MTUS1: variants seen among roughly 807,000 people sequenced by gnomAD.
MTUS1 encodes microtubule-associated tumor suppressor 1.
MTUS1 carries 109 observed loss-of-function variants against 120.8 expected under a neutral mutation model. That is an observed-to-expected ratio of 0.90 (90% CI 0.77 to 1.06). The LOEUF (loss-of-function observed/expected upper bound fraction) is 1.06. Among genes scored for constraint, MTUS1 ranks in the 50% least tolerant of loss-of-function variants. The probability of loss-of-function intolerance (pLI) is 0.00; values close to 1 mark genes in which losing one functional copy is unlikely to be tolerated. For synonymous variants in MTUS1, 737 were observed against 550.5 expected, an observed-to-expected ratio of 1.34 and a Z score of -4.74; for missense variants, 2,210 against 1,486.3, an observed-to-expected ratio of 1.49 and a Z score of -8.01.
intron 9 of MTUS1, among the ~76,000 whole-genome samples, chr8:17,655,276 C>T (rs1234610129): frequency 1.6e-5 from 2 of 125,980 alleles, no homozygotes; most frequent in African/African-American, 5.6e-5. Flanking sequence ...GATATTTAAA[C>T]AGATGCCACT....
intron 3 of MTUS1, chr8:17,734,095 T>G (rs141253034): frequency 4.7e-4 from 72 of 152,328 alleles, no homozygotes; most frequent in African/African-American, 8.9e-4. Context: ...AGAACAAATG[T>G]GATGAAACAA....
At chr8:17,756,598 T>C (rs1294620877) in intron 1 of MTUS1, among the ~76,000 whole-genome samples, 1 of 151,996 alleles carries the variant, frequency 6.6e-6, no homozygotes, top group Non-Finnish European at 1.5e-5. Flanking sequence ...TGGAAGTCCC[T>C]TGAAATGTGA....
At chr8:17,717,445 C>T (rs2131056475) in intron 4 of MTUS1, among the ~76,000 whole-genome samples, 1 of 152,288 alleles carries the variant, frequency 6.6e-6, no homozygotes, top group South Asian at 2.1e-4. Flanking sequence ...TCAAATCCAA[C>T]AAAGAAAATT....
chr8:17,790,400 T>C (rs939800584), intron 1 of MTUS1, among the ~76,000 whole-genome samples: 5 of 151,700 alleles, frequency 3.3e-5, no homozygotes, highest in Middle Eastern at 3.4e-3. Context: ...ATCCAGCATA[T>C]AAGACCACAG....
At chr8:17,753,183 T>C (rs1047905547) in intron 2 of MTUS1, among the ~76,000 whole-genome samples, 11 of 152,096 alleles carry the variant, frequency 7.2e-5, no homozygotes, top group African/African-American at 2.7e-4. Context: ...TCTCGAAAAA[T>C]TACTTGCCAA....
In MTUS1 at chr8:17,753,717, C is replaced by G; in HGVS notation, c.2091G>C (p.Leu697Phe). ...CAAAAAATATATATATATTACTTAC[C>G]AAAAACAGAGAACCATATTCAAAAG... ...NETFEYGSLF[L>F]GSASKTTTTS... Residue 697 changes from leucine (L) to phenylalanine (F), a missense_variant and splice_region_variant, in exon 2 of 15, where the codon TTG (leucine) becomes TTC (phenylalanine). Coordinates refer to ENST00000693296, the MANE Select transcript of MTUS1 (RefSeq NM_001363059.2). 4 of 1,584,004 alleles carry G rather than the reference C, an allele frequency of 2.5e-6. No individual in the cohort carries two copies. The highest frequency in any genetic ancestry group is 1.2e-5 in the South Asian group (1 of 85,146).
intron 6 of MTUS1, among the ~76,000 whole-genome samples, chr8:17,700,029 A>C (rs2130903199): frequency 6.6e-6 from 1 of 152,348 alleles, no homozygotes; most frequent in Non-Finnish European, 1.5e-5. Flanking sequence ...TGTGAGAAGT[A>C]CCTAAAAAAA....
In MTUS1 at chr8:17,718,856, A is replaced by C. The variant is rs1822847665; in HGVS notation, c.2450-2955T>G. The stretch of plus-strand genomic sequence containing the variant: ...ATTCTCAGGAAAGCCCAAGCAGAAG[A>C]CATGATTTTCCTATTAGAAAAGGGC... On this transcript the variant is annotated intron_variant, in intron 4 of 14. Coordinates refer to ENST00000693296, the MANE Select transcript of MTUS1 (RefSeq NM_001363059.2). Among the ~76,000 whole-genome samples the C allele has an allele frequency of 2.0e-5, 3 of 151,622 alleles. No individual in the cohort carries two copies. The South Asian group carries it at 6.3e-4, about 32-fold the overall frequency.
At chr8:17,667,387 A>C (rs567237036) in intron 8 of MTUS1, among the ~76,000 whole-genome samples, 23 of 152,374 alleles carry the variant, frequency 1.5e-4, no homozygotes, top group Admixed American at 4.6e-4. Flanking sequence ...ACCTGTAAAG[A>C]GTTTAAAAAT....
intron 3 of MTUS1, 86 bp downstream of exon 3, chr8:17,743,518 G>A (rs1329365016): frequency 3.1e-6 from 4 of 1,290,982 alleles, no homozygotes; most frequent in Non-Finnish European, 4.3e-6. Flanking sequence ...AACTGCTTTA[G>A]TGACAGAAGG....
At position 17,644,183 on chromosome 8, in the gene MTUS1, C is replaced by A. The variant is rs191683335; in HGVS notation, c.*1743G>T. ...AGATATCTCATGAAGTGGCAGTGAA[C>A]CTACATTTCCATTTATCAGAAGCAA... is the stretch of plus-strand genomic sequence containing the variant. On this transcript the variant is annotated 3_prime_UTR_variant, in exon 15 of 15. Coordinates refer to ENST00000693296, the MANE Select transcript of MTUS1 (RefSeq NM_001363059.2). The A allele has an allele frequency of 6.6e-6, 1 of 152,194 alleles. No individual in the cohort carries two copies. Among genetic ancestry groups the A allele is most frequent in the African/African-American group, 2.4e-5 (1 of 41,430 alleles). 9.4% of individuals were successfully genotyped at this position (152,194 alleles called of 1,614,324 possible). A position where few individuals can be genotyped will look rare whatever the true frequency, so the allele number is the denominator to read the frequency against.
At position 17,655,411 on chromosome 8, in the gene MTUS1, T is replaced by C. The variant is rs989618957; in HGVS notation, c.3108+452A>G. On this transcript the variant is annotated intron_variant, in intron 9 of 14. Transcript: ENST00000693296. The stretch of plus-strand genomic sequence containing the variant: ...TTTCAATTTTATCTTTTCCTCCTCC[T>C]TTTCTTCCCTTCTTTCACTTAACAT... Among the ~76,000 whole-genome samples the C allele has an allele frequency of 5.3e-5, 8 of 152,166 alleles. 1 individual carries two copies. The highest frequency in any genetic ancestry group is 3.9e-4 in the Admixed American group (6 of 15,280).
rs1585512469 is a variant in MTUS1 at position 17,664,714 on chromosome 8, T to C, written c.2906-8649A>G. Among the ~76,000 whole-genome samples, 2 of 152,226 alleles carry C rather than the reference T, an allele frequency of 1.3e-5. 1 individual carries two copies. Among genetic ancestry groups the C allele is most frequent in the Admixed American group, 1.3e-4 (2 of 15,278 alleles). On this transcript the variant is annotated intron_variant, in intron 8 of 14. Coordinates refer to ENST00000693296, the MANE Select transcript of MTUS1 (RefSeq NM_001363059.2). The stretch of plus-strand genomic sequence containing the variant: ...ACTACATTCTACCGTAGGAGTGTGA[T>C]GATGTCATAACATTCTACTAAGGGA...
At chr8:17,688,601 A>G (rs1816324474) in intron 6 of MTUS1, among the ~76,000 whole-genome samples, 1 of 152,188 alleles carries the variant, frequency 6.6e-6, no homozygotes, top group Admixed American at 6.5e-5. Context: ...TACACATCTA[A>G]AAGCCCTCAC....
At chr8:17,730,269 G>T (rs2046476858) in intron 3 of MTUS1, among the ~76,000 whole-genome samples, 2 of 152,166 alleles carry the variant, frequency 1.3e-5, no homozygotes, top group Admixed American at 1.3e-4. Flanking sequence ...CGGAGGCCAG[G>T]CCAGGAGTTT....
chr8:17,774,448 G>A (rs1186025942), intron 1 of MTUS1, among the ~76,000 whole-genome samples: 1 of 152,204 alleles, frequency 6.6e-6, no homozygotes, highest in East Asian at 1.9e-4. Flanking sequence ...TCTAAAATGT[G>A]AAGAAAAGGA....
intron 12 of MTUS1, among the ~76,000 whole-genome samples, chr8:17,650,844 T>C (rs760537483): frequency 6.6e-6 from 1 of 152,212 alleles, no homozygotes; most frequent in Non-Finnish European, 1.5e-5. Flanking sequence ...ATTCAAAATT[T>C]ATGCTACAGA....
At chr8:17,797,648 G>A (rs1219190499) in intron 1 of MTUS1, among the ~76,000 whole-genome samples, 1 of 152,056 alleles carries the variant, frequency 6.6e-6, no homozygotes, top group African/African-American at 2.4e-5. Flanking sequence ...CACTGTATCC[G>A]CTGCTAAGTG....
chr8:17,727,038 T>C (rs1448671370), intron 3 of MTUS1, among the ~76,000 whole-genome samples: 1 of 152,130 alleles, frequency 6.6e-6, no homozygotes, highest in Non-Finnish European at 1.5e-5. Flanking sequence ...AGAGGAAAGC[T>C]TACCCCGGCA....
Sources: gnomAD v4.1 joint callset for allele counts (sites outside exome capture counted in the v4.1 genomes callset) on GRCh38, gnomAD v4.1.1 for gene constraint, MANE v1.5 for transcripts, NCBI Gene and HGNC (gene_info 2026-07-23, HGNC 2026-07-21) for gene names.